Variants in CSMD2 observed in about 807,000 individuals in gnomAD.
CSMD2 encodes CUB and sushi domain-containing protein 2.
Under a neutral mutation model 398.5 loss-of-function variants are expected in CSMD2, and 130 were observed. That is an observed-to-expected ratio of 0.33 (90% CI 0.28 to 0.38). CSMD2 has a LOEUF of 0.38. Ranked by LOEUF, CSMD2 falls within the 10% of genes least tolerant of loss-of-function variation. CSMD2 has a pLI of 1.00. For synonymous variants in CSMD2, 1,828 were observed against 1,908.5 expected, an observed-to-expected ratio of 0.96 and a Z score of 1.10; for missense variants, 3,829 against 4,764.9, an observed-to-expected ratio of 0.80 and a Z score of 5.78.
chr1:33,831,498 G>C (rs1308574412), intron 6 of CSMD2, among the ~76,000 whole-genome samples: 1 of 151,848 alleles, frequency 6.6e-6, no homozygotes, highest in Non-Finnish European at 1.5e-5. Flanking sequence ...CCCTAAAAGA[G>C]CTCCTGAAGG....
intron 51 of CSMD2, among the ~76,000 whole-genome samples, chr1:33,571,220 T>C (rs1377732599): frequency 1.3e-5 from 2 of 152,216 alleles, no homozygotes; most frequent in East Asian, 3.9e-4. Context: ...CAAAATCTTT[T>C]ATCTTCAAAC....
rs139241831 is a variant in CSMD2 at position 33,572,691 on chromosome 1, G to A, written c.7577C>T (p.Ala2526Val). ...LWSEAIPLCQ[A>V]LSCGLPEAPK... The stretch of plus-strand genomic sequence containing the variant: ...GGCCTCAGGAAGCCCACAGGAAAGA[G>A]CTAGCAAAAGGAAAACAATGTCATG... The change falls in exon 50 of 71, where the codon GCT becomes GTT. Residue 2526 changes from alanine (A) to valine (V), a missense_variant and splice_region_variant. By Grantham distance (64) the Ala-to-Val change is moderately conservative. Transcript: ENST00000373381. The A allele has an allele frequency of 1.9e-6, 3 of 1,602,862 alleles. No individual in the cohort carries two copies. The African/African-American group carries it at 4.0e-5, about 21-fold the overall frequency.
Position 33,825,772 on chromosome 1 carries a change from T to G in CSMD2, c.1036A>C (p.Lys346Gln). Residue 346 changes from lysine to glutamine, a missense_variant and splice_region_variant, in exon 7 of 71, where the codon AAG (lysine) becomes CAG (glutamine). By Grantham distance (53) the Lys-to-Gln change is moderately conservative. Coordinates refer to ENST00000373381, the MANE Select transcript of CSMD2 (RefSeq NM_001281956.2). The part of the protein sequence containing the change: ...QRGFSAQYQV[K>Q]KQIELKSRGV... Reference sequence around the variant, plus strand: ...CGAGACTTCAACTCAATTTGCTTCTTGACTAGAGAGGAGGTAAGAGGAAAA... The same window carrying G: ...CGAGACTTCAACTCAATTTGCTTCTGGACTAGAGAGGAGGTAAGAGGAAAA... 1 of 1,613,792 alleles carries G rather than the reference T, an allele frequency of 6.2e-7. No individual in the cohort carries two copies. Among genetic ancestry groups the G allele is most frequent in the African/African-American group, 1.3e-5 (1 of 75,064 alleles).
At chr1:33,594,523 G>A (rs1055603921) in intron 44 of CSMD2, among the ~76,000 whole-genome samples, 2 of 152,154 alleles carry the variant, frequency 1.3e-5, no homozygotes, top group African/African-American at 4.8e-5. Context: ...TTGGTATCCA[G>A]AGAGCTCCTT....
chr1:33,611,325 G>GCTCCTGCCA, intron 40 of CSMD2, 75 bp from the exon 41 acceptor site: 1 of 1,286,890 alleles, frequency 7.8e-7, no homozygotes, highest in South Asian at 1.3e-5. Flanking sequence ...CATGAAAGCA[G>GCTCCTGCCA]CTCCTGCCAG....
intron 41 of CSMD2, among the ~76,000 whole-genome samples, chr1:33,607,675 C>A (rs1640711111): frequency 6.6e-6 from 1 of 152,214 alleles, no homozygotes; most frequent in African/African-American, 2.4e-5. Flanking sequence ...AGGGGTGGAG[C>A]CCAAGTCTGA....
intron 13 of CSMD2, among the ~76,000 whole-genome samples, chr1:33,758,998 T>G (rs935245025): frequency 2.6e-5 from 4 of 152,162 alleles, no homozygotes; most frequent in African/African-American, 9.7e-5. Context: ...TAAATAAATA[T>G]TTATTGTTTC....
intron 3 of CSMD2, among the ~76,000 whole-genome samples, chr1:33,993,266 A>T (rs1348401823): frequency 1.3e-5 from 2 of 152,170 alleles, no homozygotes; most frequent in Non-Finnish European, 2.9e-5. Context: ...TGTAGTTTGC[A>T]TTGTCTGAAA....
Position 33,537,667 on chromosome 1 carries a change from AG to A in CSMD2, c.9632-59del. ...GTTGCTTTCCAGAACCCAATCTTCC[AG>A]TCCCACACCCCCATCTTTGTTCTTT... On this transcript the variant is annotated intron_variant, in intron 60 of 70. Transcript: ENST00000373381. The surrounding 1 kb of genome is among the most constrained non-coding windows in gnomAD (Gnocchi z 4.6). 1.3e-6 allele frequency: 2 copies of A among 1,517,438 alleles called. No individual in the cohort carries two copies. The highest frequency in any genetic ancestry group is 1.8e-6 in the Non-Finnish European group (2 of 1,120,830). 94.0% of individuals were successfully genotyped at this position (1,517,438 alleles called of 1,614,324 possible).
rs1209112168 is a variant in CSMD2 at position 33,571,673 on chromosome 1, G to A, written c.7816C>T (p.Leu2606Phe). 6.3e-7 allele frequency: 1 copy of A among 1,577,908 alleles called. No individual in the cohort carries two copies. The highest frequency in any genetic ancestry group is 2.3e-5 in the East Asian group (1 of 44,046). Residue 2606 changes from leucine (L) to phenylalanine (F), a missense_variant, in exon 51 of 71, where the codon CTT becomes TTT. Around this residue, in one of 5 missense-constraint regions of CSMD2, gnomAD observed 723 missense variants for 758.6 expected, o/e 0.95. Transcript: ENST00000373381. ...AACTGATACTGTGTCTCAAAGATAA[G>A]CCTCCATCGGCCATGCTCCACGCTG... Reference protein sequence around the residue: ...SISVEHGRWRLIFETQYQFQA... With the variant: ...SISVEHGRWRFIFETQYQFQA...
chr1:33,761,933 G>A (rs1483980813), intron 13 of CSMD2, among the ~76,000 whole-genome samples: 2 of 152,198 alleles, frequency 1.3e-5, no homozygotes, highest in African/African-American at 2.4e-5. Context: ...TGATCAGGTA[G>A]CCTAGGGCCA....
chr1:33,680,755 C>T (rs139925734), intron 25 of CSMD2, among the ~76,000 whole-genome samples: 1 of 152,136 alleles, frequency 6.6e-6, no homozygotes, highest in East Asian at 1.9e-4. Flanking sequence ...CCAGCCCCAC[C>T]CAGGACCCTG....
At chr1:33,981,944 G>T (rs1646184809) in intron 3 of CSMD2, among the ~76,000 whole-genome samples, 2 of 152,158 alleles carry the variant, frequency 1.3e-5, no homozygotes, top group South Asian at 4.1e-4. Flanking sequence ...AGTATGGGAG[G>T]CCTGTGGAAG....
intron 13 of CSMD2, 69 bp from the exon 14 acceptor site, chr1:33,743,675 A>AG (rs1223320036): frequency 2.7e-6 from 3 of 1,123,138 alleles, no homozygotes; most frequent in African/African-American, 1.6e-5. Context: ...GAGGGCTGGC[A>AG]GGGGGAACAT....
intron 4 of CSMD2, among the ~76,000 whole-genome samples, chr1:33,923,163 AT>A (rs1187811512): frequency 2.0e-5 from 3 of 152,140 alleles, no homozygotes; most frequent in African/African-American, 7.2e-5. Context: ...AGTAGGTGAT[AT>A]AGTTTGAATG....
intron 56 of CSMD2, among the ~76,000 whole-genome samples, chr1:33,548,648 T>G (rs1236826350): frequency 1.3e-5 from 2 of 152,232 alleles, no homozygotes; most frequent in East Asian, 3.8e-4. Context: ...ACTATCTCTA[T>G]ATCTGTGGTA....
intron 1 of CSMD2, among the ~76,000 whole-genome samples, chr1:34,156,430 T>C (rs1351075571): frequency 6.6e-6 from 1 of 152,214 alleles, no homozygotes; most frequent in African/African-American, 2.4e-5. Context: ...GTCTGCACAT[T>C]CTCTCATAAT....
chr1:33,714,904 G>T, intron 20 of CSMD2, 129 bp from the exon 21 acceptor site: 1 of 839,148 alleles, frequency 1.2e-6, no homozygotes, highest in Non-Finnish European at 1.9e-6. Context: ...AAGAGGGCAT[G>T]CGCACACTGG....
chr1:33,883,731 G>A (rs1477930996), intron 5 of CSMD2, among the ~76,000 whole-genome samples: 1 of 152,178 alleles, frequency 6.6e-6, no homozygotes, highest in African/African-American at 2.4e-5. Flanking sequence ...TATGATCCCT[G>A]GGACACATGC....
Sources: allele counts gnomAD v4.1 joint callset (sites outside exome capture counted in the v4.1 genomes callset), GRCh38; gene constraint gnomAD v4.1.1; regional missense constraint gnomAD v4.1.1; non-coding constraint Gnocchi (gnomAD v3.1); transcripts MANE v1.5; gene names NCBI Gene and HGNC (gene_info 2026-07-23, HGNC 2026-07-21).